CCDC102B: variants seen among roughly 807,000 people sequenced by gnomAD.
CCDC102B encodes the protein coiled-coil domain containing 102B, also known as coiled-coil domain-containing protein 102B.
A neutral mutation model predicts 57.4 loss-of-function variants in CCDC102B; 75 were observed. That is an observed-to-expected ratio of 1.31 (90% confidence interval 1.08 to 1.58). The LOEUF is 1.58. CCDC102B is among the 40% of genes most tolerant of loss of function. The probability of loss-of-function intolerance (pLI) is 0.00; values close to 1 mark genes in which losing one functional copy is unlikely to be tolerated. For synonymous variants in CCDC102B, 206 were observed against 201.9 expected (o/e 1.02, Z -0.17); for missense variants, 636 against 582.6 (o/e 1.09, Z -0.94).
intron 5 of CCDC102B, among the ~76,000 whole-genome samples, chr18:68,891,566 A>C (rs527381712): frequency 1.1e-3 from 164 of 152,334 alleles, no homozygotes; most frequent in African/African-American, 3.8e-3. Flanking sequence ...ATACTGCAGA[A>C]TGGAAGGCTT....
At chr18:68,790,792 C>T (rs557802843) in intron 2 of CCDC102B, among the ~76,000 whole-genome samples, 485 of 151,908 alleles carry the variant, frequency 3.2e-3, no homozygotes, top group African/African-American at 0.011. Context: ...CCGTCTTCTG[C>T]GTCGCTCACG....
At chr18:68,813,778 A>ATATATATATATATC (rs1484345019) in intron 1 of CCDC102B, among the ~76,000 whole-genome samples, 2 of 149,782 alleles carry the variant, frequency 1.3e-5, no homozygotes, top group African/African-American at 4.9e-5. Context: ...ATAATTTTAT[A>ATATATATATATATC]TATATATATA....
intron 1 of CCDC102B, among the ~76,000 whole-genome samples, chr18:68,815,291 A>C (rs2144723058): frequency 6.6e-6 from 1 of 152,256 alleles, no homozygotes; most frequent in South Asian, 2.1e-4. Flanking sequence ...ATCTCCAACA[A>C]ATCTGTGTAT....
chr18:68,818,528 C>G (rs1334422755), intron 1 of CCDC102B, among the ~76,000 whole-genome samples: 2 of 152,272 alleles, frequency 1.3e-5, no homozygotes, highest in Middle Eastern at 6.8e-3. Flanking sequence ...CTTCTTCATG[C>G]CTTCCTCCTG....
chr18:68,945,040 C>T (rs2049492815), intron 6 of CCDC102B, among the ~76,000 whole-genome samples: 1 of 150,636 alleles, frequency 6.6e-6, no homozygotes, highest in South Asian at 2.1e-4. Context: ...CAGATGCCAG[C>T]GTGTTATCTT....
chr18:68,726,367 C>T (rs1271176017), intron 2 of CCDC102B, among the ~76,000 whole-genome samples: 6 of 152,118 alleles, frequency 3.9e-5, no homozygotes, highest in African/African-American at 1.2e-4. Context: ...AAAAAATTAC[C>T]GCCTTAATTA....
chr18:68,762,409 GT>G lies in CCDC102B; in HGVS notation c.-67+45823del, dbSNP rs1568237173. On this transcript the variant is annotated intron_variant, in intron 2 of 3. Coordinates refer to the CCDC102B transcript ENST00000578970. The stretch of plus-strand genomic sequence containing the variant: ...TGTTGTTGTTTGTTTTTTGTTTTTG[GT>G]TTTTTTTCTGTCCATTATCTCCACA... Among the ~76,000 whole-genome samples, 12 of 151,084 alleles carry G rather than the reference GT, an allele frequency of 7.9e-5. No individual in the cohort carries two copies. In the Admixed American group the frequency reaches 7.9e-4, roughly 10 times the overall value.
chr18:68,757,650 C>T (rs1020832417), intron 2 of CCDC102B, among the ~76,000 whole-genome samples: 18 of 151,976 alleles, frequency 1.2e-4, no homozygotes, highest in African/African-American at 4.4e-4. Flanking sequence ...CTACTTATTT[C>T]CTCACACATT....
intron 7 of CCDC102B, among the ~76,000 whole-genome samples, chr18:69,021,834 C>T (rs1170237552): frequency 6.6e-6 from 1 of 152,170 alleles, no homozygotes; most frequent in African/African-American, 2.4e-5. Context: ...ACATGTCCAG[C>T]AACCCAGTTG....
chr18:68,745,363 C>T (rs1033006965), intron 2 of CCDC102B, among the ~76,000 whole-genome samples: 1 of 152,090 alleles, frequency 6.6e-6, no homozygotes, highest in African/African-American at 2.4e-5. Context: ...GAAGCGTATT[C>T]TCTCCTGCCT....
intron 2 of CCDC102B, among the ~76,000 whole-genome samples, chr18:68,733,478 T>TTTTATATA (rs1555695149): frequency 8.0e-5 from 2 of 25,132 alleles, no homozygotes; most frequent in African/African-American, 1.6e-4. Flanking sequence ...TTAGACAACT[T>TTTTATATA]TATATATATA....
intron 2 of CCDC102B, among the ~76,000 whole-genome samples, chr18:68,785,709 T>C (rs1169470530): frequency 6.7e-6 from 1 of 148,706 alleles, no homozygotes; most frequent in East Asian, 2.0e-4. Flanking sequence ...TTTGAGTTCA[T>C]TGTAGATTCT....
chr18:68,937,337 GA>G (rs1419623850), intron 6 of CCDC102B, among the ~76,000 whole-genome samples: 2 of 152,062 alleles, frequency 1.3e-5, no homozygotes. Flanking sequence ...CTTGTTCACA[GA>G]ACGAGAGCTG....
chr18:68,976,241 T>G (rs933064002), intron 6 of CCDC102B, among the ~76,000 whole-genome samples: 3 of 152,016 alleles, frequency 2.0e-5, no homozygotes, highest in African/African-American at 7.2e-5. Context: ...TCATAAATCT[T>G]AAGTGTCAAT....
intron 1 of CCDC102B, among the ~76,000 whole-genome samples, chr18:68,820,598 G>T (rs186211296): frequency 6.6e-6 from 1 of 152,120 alleles, no homozygotes; most frequent in African/African-American, 2.4e-5. Flanking sequence ...TGTGAAAATT[G>T]ATATCATCTC....
rs1398543700 is a variant in CCDC102B at position 68,998,989 on chromosome 18, TATATATATATAGAGAGAG to T, written c.1264-11943_1264-11926del. Among the ~76,000 whole-genome samples, 450 of 75,062 alleles carry T rather than the reference TATATATATATAGAGAGAG, an allele frequency of 6.0e-3. 1 individual carries two copies. The highest frequency in any genetic ancestry group is 8.1e-3 in the African/African-American group (173 of 21,450). 49.2% of individuals were successfully genotyped at this position (75,062 alleles called of 152,430 possible). On this transcript the variant is annotated intron_variant, in intron 6 of 7. Coordinates refer to ENST00000360242, the MANE Select transcript of CCDC102B (RefSeq NM_024781.3). ...CATCATATATATATATATATATATA[TATATATATATAGAGAGAG>T]AGAGAGAGAGAGAGAGAGAGAGAGA... is the stretch of plus-strand genomic sequence containing the variant.
At chr18:68,902,126 A>G (rs1024270037) in intron 6 of CCDC102B, 1 of 152,204 alleles carries the variant, frequency 6.6e-6, no homozygotes, top group Non-Finnish European at 1.5e-5. Context: ...CTTGCAATTC[A>G]TTTCTACTCT....
chr18:68,965,323 T>C (rs2050141237), intron 6 of CCDC102B, among the ~76,000 whole-genome samples: 1 of 151,792 alleles, frequency 6.6e-6, no homozygotes, highest in African/African-American at 2.4e-5. Flanking sequence ...TTTTTCCCAT[T>C]TGTTCCCCCT....
At chr18:68,936,315 A>T (rs1055850531) in intron 6 of CCDC102B, among the ~76,000 whole-genome samples, 12 of 152,040 alleles carry the variant, frequency 7.9e-5, no homozygotes, top group African/African-American at 2.9e-4. Context: ...TCCAAATGAT[A>T]TACCTGTTAA....
Sources: allele counts gnomAD v4.1 joint callset (sites outside exome capture counted in the v4.1 genomes callset), GRCh38; gene constraint gnomAD v4.1.1; transcripts MANE v1.5; gene names NCBI Gene and HGNC (gene_info 2026-07-23, HGNC 2026-07-21).